Variants in NAALADL2 observed in about 807,000 individuals in gnomAD.
NAALADL2 encodes the protein N-acetylated alpha-linked acidic dipeptidase like 2.
NAALADL2 carries 76 observed loss-of-function variants against 87.2 expected under a neutral mutation model. That is an observed-to-expected ratio of 0.87 (90% CI 0.72 to 1.05). The LOEUF (loss-of-function observed/expected upper bound fraction) is 1.05. Ranked by LOEUF, NAALADL2 falls within the 50% of genes least tolerant of loss-of-function variation. The pLI is 0.00. For synonymous variants in NAALADL2, 354 were observed against 331.0 expected, an observed-to-expected ratio of 1.07 and a Z score of -0.75; for missense variants, 1,089 against 945.8, an observed-to-expected ratio of 1.15 and a Z score of -1.99.
chr3:175,555,461 C>T (rs1206915694), intron 9 of NAALADL2, among the ~76,000 whole-genome samples: 2 of 152,132 alleles, frequency 1.3e-5, no homozygotes, highest in Non-Finnish European at 2.9e-5. Flanking sequence ...TTTTCAAACC[C>T]GTACACTGTA....
intron 2 of NAALADL2, among the ~76,000 whole-genome samples, chr3:175,183,326 A>G (rs1200404392): frequency 2.0e-5 from 3 of 151,784 alleles, no homozygotes; most frequent in Non-Finnish European, 2.9e-5. Context: ...CGTGACTTAT[A>G]TATCTTTCTC....
At chr3:175,592,248 G>T (rs1721589938) in intron 10 of NAALADL2, among the ~76,000 whole-genome samples, 1 of 150,836 alleles carries the variant, frequency 6.6e-6, no homozygotes, top group Non-Finnish European at 1.5e-5. Flanking sequence ...CATTATTTTT[G>T]AAATCATCAT....
intron 2 of NAALADL2, among the ~76,000 whole-genome samples, chr3:174,595,210 C>G (rs1458886482): frequency 6.6e-6 from 1 of 152,108 alleles, no homozygotes; most frequent in Non-Finnish European, 1.5e-5. Context: ...CCAGCCACAC[C>G]TCACATCCAT....
chr3:175,335,161 G>C (rs907700562), intron 5 of NAALADL2, among the ~76,000 whole-genome samples: 16 of 152,146 alleles, frequency 1.1e-4, no homozygotes, highest in Admixed American at 8.5e-4. Flanking sequence ...CTAGAGCTGT[G>C]CTGTCCAATA....
intron 5 of NAALADL2, among the ~76,000 whole-genome samples, chr3:175,414,860 G>A (rs543587028): frequency 1.3e-5 from 2 of 152,124 alleles, no homozygotes; most frequent in Non-Finnish European, 2.9e-5. Context: ...AGCTCACTTT[G>A]CAAAGACAAA....
chr3:175,369,228 A>AAGTATGT (rs771309971), intron 5 of NAALADL2, among the ~76,000 whole-genome samples: 1 of 152,054 alleles, frequency 6.6e-6, no homozygotes, highest in Admixed American at 6.6e-5. Flanking sequence ...TATATGTAGC[A>AAGTATGT]AGTATGTGTG....
At chr3:175,014,712 A>G (rs931642995) in intron 1 of NAALADL2, among the ~76,000 whole-genome samples, 1 of 152,148 alleles carries the variant, frequency 6.6e-6, no homozygotes, top group Non-Finnish European at 1.5e-5. Context: ...CTTGTATTTT[A>G]CAGGATTACA....
intron 5 of NAALADL2, chr3:175,369,527 A>G (rs1444689825): frequency 6.6e-6 from 1 of 152,124 alleles, no homozygotes; most frequent in Admixed American, 6.6e-5. Flanking sequence ...GTGTGTGTGT[A>G]TGTGTATATA....
intron 11 of NAALADL2, among the ~76,000 whole-genome samples, chr3:175,704,812 C>G (rs1739453779): frequency 6.6e-6 from 1 of 152,178 alleles, no homozygotes; most frequent in Non-Finnish European, 1.5e-5. Flanking sequence ...GGTATCAAAG[C>G]TGAGTCAGCC....
intron 3 of NAALADL2, among the ~76,000 whole-genome samples, chr3:174,841,632 T>C (rs1724034302): frequency 6.6e-6 from 1 of 152,234 alleles, no homozygotes; most frequent in African/African-American, 2.4e-5. Flanking sequence ...CACTTCTCTT[T>C]TCAGGGTTGA....
In NAALADL2 at chr3:175,158,701, A is replaced by AT. The variant is rs566286777; in HGVS notation, c.545+61417dup. Reference sequence around the variant, plus strand: ...GTTTAAAATATAAATGTAAATAGCAATTTTTTTGCAGTGAAGATTTTTCTG... The same window carrying AT: ...GTTTAAAATATAAATGTAAATAGCAATTTTTTTTGCAGTGAAGATTTTTCTG... On this transcript the variant is annotated intron_variant, in intron 2 of 13. Coordinates refer to ENST00000454872, the MANE Select transcript of NAALADL2 (RefSeq NM_207015.3). Among the ~76,000 whole-genome samples, 328 of 152,158 alleles carry AT rather than the reference A, an allele frequency of 2.2e-3. 1 individual carries two copies. The highest frequency in any genetic ancestry group is 7.6e-3 in the African/African-American group (316 of 41,552).
intron 9 of NAALADL2, among the ~76,000 whole-genome samples, chr3:175,532,686 T>G (rs1734241051): frequency 1.3e-5 from 2 of 152,200 alleles, no homozygotes; most frequent in South Asian, 4.1e-4. Flanking sequence ...TCCATTACGG[T>G]GGCTACACCC....
At chr3:174,682,577 A>G (rs1727649957) in intron 2 of NAALADL2, among the ~76,000 whole-genome samples, 1 of 152,216 alleles carries the variant, frequency 6.6e-6, no homozygotes, top group Non-Finnish European at 1.5e-5. Context: ...GGGAGAAAGT[A>G]ACAGAAGAAA....
intron 1 of NAALADL2, among the ~76,000 whole-genome samples, chr3:174,931,956 G>T (rs1736960284): frequency 6.6e-6 from 1 of 152,192 alleles, no homozygotes; most frequent in African/African-American, 2.4e-5. Context: ...AAATGATTGA[G>T]TAGATTCAAA....
At chr3:175,199,042 A>G (rs1739414153) in intron 2 of NAALADL2, among the ~76,000 whole-genome samples, 1 of 152,162 alleles carries the variant, frequency 6.6e-6, no homozygotes, top group South Asian at 2.1e-4. Flanking sequence ...AAATAGTTTT[A>G]AGTAAAGCAT....
chr3:175,716,244 C>G, intron 11 of NAALADL2, among the ~76,000 whole-genome samples: 1 of 142,398 alleles, frequency 7.0e-6, no homozygotes, highest in Middle Eastern at 3.7e-3. Flanking sequence ...TATTGGAATA[C>G]ATATATAATA....
chr3:175,129,309 G>A (rs1727439652), intron 2 of NAALADL2, among the ~76,000 whole-genome samples: 1 of 152,096 alleles, frequency 6.6e-6, no homozygotes, highest in Non-Finnish European at 1.5e-5. Context: ...TGTGTGTGGT[G>A]AGAACACTTA....
At chr3:174,807,869 T>TTGTGTG (rs374956917) in intron 3 of NAALADL2, among the ~76,000 whole-genome samples, 27,973 of 149,714 alleles carry the variant, frequency 0.19, 2,738 homozygotes, top group Middle Eastern at 0.29. Context: ...ATTATTTTCA[T>TTGTGTG]TGTGTGTGTG....
At chr3:175,259,612 C>T (rs901965944) in intron 4 of NAALADL2, among the ~76,000 whole-genome samples, 15 of 152,206 alleles carry the variant, frequency 9.9e-5, no homozygotes, top group Non-Finnish European at 1.9e-4. Flanking sequence ...AATTATATAA[C>T]TGGTTAGATA....
Sources: allele counts gnomAD v4.1 joint callset (sites outside exome capture counted in the v4.1 genomes callset), GRCh38; gene constraint gnomAD v4.1.1; transcripts MANE v1.5; gene names NCBI Gene and HGNC (gene_info 2026-07-23, HGNC 2026-07-21).